The following TRHDE variants were observed in gnomAD, a reference collection of about 807,000 sequenced individuals.
TRHDE encodes the protein thyrotropin releasing hormone degrading enzyme.
A neutral mutation model predicts 125.7 loss-of-function variants in TRHDE; 72 were observed. The observed-to-expected ratio is 0.57, with a 90% CI of 0.47 to 0.70. TRHDE has a LOEUF of 0.70. Among genes scored for constraint, TRHDE ranks in the 30% least tolerant of loss-of-function variants. The pLI is 0.00. For missense variants in TRHDE, 1,110 were observed against 1,327.1 expected, an observed-to-expected ratio of 0.84 and a Z score of 2.54; for synonymous variants, 509 against 509.1, an observed-to-expected ratio of 1.00 and a Z score of 0.00.
chr12:72,396,488 G>T lies in TRHDE; in HGVS notation c.1315+18367G>T, dbSNP rs192337471. On this transcript the variant is annotated intron_variant, in intron 3 of 18. Transcript: ENST00000261180. ...CGGCCAGGTGCGATGGCTCACACCTGTAATCTCAGCACTTTGGGAGGCTGA... is the reference window on the plus strand; with the variant it reads ...CGGCCAGGTGCGATGGCTCACACCTTTAATCTCAGCACTTTGGGAGGCTGA... Among the ~76,000 whole-genome samples the T allele has an allele frequency of 6.2e-3, 951 of 152,280 alleles. 6 individuals carry two copies. The highest frequency in any genetic ancestry group is 0.022 in the African/African-American group (912 of 41,566).
At chr12:72,604,183 C>T (rs181699913) in intron 12 of TRHDE, among the ~76,000 whole-genome samples, 2 of 152,266 alleles carry the variant, frequency 1.3e-5, no homozygotes, top group Admixed American at 6.5e-5. Flanking sequence ...ATTTCCTCAT[C>T]TTTCTTAGCA....
At chr12:72,380,698 GCTTC>G (rs199912564) in intron 3 of TRHDE, among the ~76,000 whole-genome samples, 5,070 of 129,686 alleles carry the variant, frequency 0.039, 158 homozygotes, top group African/African-American at 0.11. Flanking sequence ...GCAGGCTGCA[GCTTC>G]CTTCCTTCCT....
chr12:72,437,833 A>T (rs967927663), intron 3 of TRHDE, among the ~76,000 whole-genome samples: 10 of 151,850 alleles, frequency 6.6e-5, no homozygotes, highest in Admixed American at 1.3e-4. Context: ...ACAATATATT[A>T]TTAACTATGG....
chr12:72,514,483 A>C (rs1183868438), intron 6 of TRHDE, among the ~76,000 whole-genome samples: 2 of 152,140 alleles, frequency 1.3e-5, no homozygotes, highest in Non-Finnish European at 1.5e-5. Flanking sequence ...AGATTAAAAA[A>C]GAGCTAAAGA....
intron 1 of TRHDE, among the ~76,000 whole-genome samples, chr12:72,096,839 C>T (rs1169353588): frequency 6.6e-6 from 1 of 152,186 alleles, no homozygotes; most frequent in African/African-American, 2.4e-5. Context: ...TCCTCACCTC[C>T]CTGCTTGATT....
intron 2 of TRHDE, among the ~76,000 whole-genome samples, chr12:72,205,002 A>G (rs920912326): frequency 2.6e-5 from 4 of 152,250 alleles, no homozygotes; most frequent in African/African-American, 7.2e-5. Flanking sequence ...ATGAGGACAT[A>G]AAATAACATT....
chr12:72,394,851 T>C lies in TRHDE; in HGVS notation c.1315+16730T>C, dbSNP rs1421878180. ...GTGACGTATGCCTCCTGCTTCCTCA[T>C]CTTGGTTGAATTAATCTACTGTTAC... On this transcript the variant is annotated intron_variant, in intron 3 of 18. Transcript: ENST00000261180. Among the ~76,000 whole-genome samples, 5 of 152,300 alleles carry C rather than the reference T, an allele frequency of 3.3e-5. No individual in the cohort carries two copies. The East Asian group carries it at 9.7e-4, about 29-fold the overall frequency.
chr12:72,244,281 G>C (rs931050767), intron 2 of TRHDE, among the ~76,000 whole-genome samples: 1 of 152,108 alleles, frequency 6.6e-6, no homozygotes, highest in African/African-American at 2.4e-5. Context: ...TCAACCTGAA[G>C]CACACATAGG....
chr12:72,290,590 C>T (rs138137009), intron 2 of TRHDE, among the ~76,000 whole-genome samples: 1 of 152,268 alleles, frequency 6.6e-6, no homozygotes, highest in East Asian at 1.9e-4. Context: ...TCTGGGGCCT[C>T]AGATGGGAAA....
At chr12:72,174,079 C>A (rs1198092229) in intron 2 of TRHDE, among the ~76,000 whole-genome samples, 1 of 152,122 alleles carries the variant, frequency 6.6e-6, no homozygotes, top group Non-Finnish European at 1.5e-5. Context: ...TTGATGTAAG[C>A]AGAAACTTGA....
intron 18 of TRHDE, among the ~76,000 whole-genome samples, chr12:72,658,538 T>C (rs973529976): frequency 6.6e-6 from 1 of 152,180 alleles, no homozygotes; most frequent in Admixed American, 6.6e-5. Flanking sequence ...TCTAACTCCG[T>C]TTGCCTTTCA....
intron 16 of TRHDE, 105 bp downstream of exon 16, chr12:72,652,594 A>G: frequency 1.3e-6 from 1 of 772,460 alleles, no homozygotes; most frequent in South Asian, 2.3e-5. Context: ...TAGTTATTTT[A>G]AAATATATCT....
chr12:72,515,979 C>A (rs1208306778), intron 6 of TRHDE, among the ~76,000 whole-genome samples: 1 of 142,862 alleles, frequency 7.0e-6, no homozygotes, highest in African/African-American at 2.9e-5. Flanking sequence ...TCTGAGGGCT[C>A]TGTTCTGTTC....
At chr12:72,619,511 G>C (rs1351083233) in intron 13 of TRHDE, among the ~76,000 whole-genome samples, 1 of 152,116 alleles carries the variant, frequency 6.6e-6, no homozygotes. Context: ...ATTCGTAATT[G>C]GGTCCAAGGG....
At chr12:72,357,952 G>C (rs1171452435) in intron 2 of TRHDE, among the ~76,000 whole-genome samples, 1 of 151,200 alleles carries the variant, frequency 6.6e-6, no homozygotes, top group African/African-American at 2.4e-5. Flanking sequence ...AAAAATTATG[G>C]CATTAGAAAG....
rs956637250 is a variant in TRHDE, at chr12:72,472,528, C to A, written c.1471-539C>A. Among the ~76,000 whole-genome samples the A allele has an allele frequency of 2.6e-5, 4 of 152,160 alleles. No individual in the cohort carries two copies. In the South Asian group the frequency reaches 6.2e-4, roughly 24 times the overall value. Reference sequence around the variant, plus strand: ...CTTAGTTTTATCAATCAGCAAATATCTTCTCTGAATAGCCTCTGCCACTAG... The same window carrying A: ...CTTAGTTTTATCAATCAGCAAATATATTCTCTGAATAGCCTCTGCCACTAG... On this transcript the variant is annotated intron_variant, in intron 4 of 18. Coordinates refer to ENST00000261180, the MANE Select transcript of TRHDE (RefSeq NM_013381.3).
chr12:72,123,635 A>G (rs1227367924), intron 2 of TRHDE, among the ~76,000 whole-genome samples: 1 of 152,130 alleles, frequency 6.6e-6, no homozygotes, highest in Non-Finnish European at 1.5e-5. Context: ...ACTTTTGAGC[A>G]TATATTTTTA....
At chr12:72,270,029 C>T (rs1879160921), upstream of TRHDE, among the ~76,000 whole-genome samples, 1 of 152,114 alleles carries the variant, frequency 6.6e-6, no homozygotes, top group Non-Finnish European at 1.5e-5. Flanking sequence ...TACTAAATTA[C>T]CAGTTTAAAA....
At chr12:72,101,250 G>A (rs890510639) in intron 1 of TRHDE, among the ~76,000 whole-genome samples, 9 of 152,286 alleles carry the variant, frequency 5.9e-5, no homozygotes, top group Admixed American at 3.3e-4. Context: ...GCCAATAAAT[G>A]TTTACAAATC....
Sources: gnomAD v4.1 joint callset for allele counts (sites outside exome capture counted in the v4.1 genomes callset) on GRCh38, gnomAD v4.1.1 for gene constraint, MANE v1.5 for transcripts, NCBI Gene and HGNC (gene_info 2026-07-23, HGNC 2026-07-21) for gene names.